XPO7: variants seen among roughly 807,000 people sequenced by gnomAD.
XPO7 encodes the protein exportin 7.
In XPO7, 21 loss-of-function variants were observed where a neutral mutation model predicts 144.3. The ratio of observed to expected loss-of-function variants is 0.15; its 90% CI spans 0.10 to 0.21. The LOEUF is 0.21. Ranked by LOEUF, XPO7 falls within the 10% of genes least tolerant of loss-of-function variation. XPO7 has a pLI of 1.00. For synonymous variants in XPO7, 580 were observed against 499.6 expected (o/e 1.16, Z -2.15); for missense variants, 808 against 1,325.8 (o/e 0.61, Z 6.06).
intron 1 of XPO7, among the ~76,000 whole-genome samples, chr8:21,922,391 C>T (rs1476731052): frequency 6.6e-6 from 1 of 152,126 alleles, no homozygotes; most frequent in Non-Finnish European, 1.5e-5. Flanking sequence ...GAAGTGTGCC[C>T]TTAAGCAGCT....
At chr8:21,969,852 T>C in intron 3 of XPO7, 4 of 544,536 alleles carry the variant, frequency 7.3e-6, no homozygotes, top group Non-Finnish European at 6.4e-6. Flanking sequence ...AAAACATTGT[T>C]AATGATTTTG....
chr8:21,980,372 A>T (rs1812364338), intron 9 of XPO7, among the ~76,000 whole-genome samples, 169 bp downstream of exon 9: 1 of 152,194 alleles, frequency 6.6e-6, no homozygotes, highest in Non-Finnish European at 1.5e-5. Context: ...TGCCCAAAAG[A>T]GGAGCTTATA....
At chr8:21,969,119 A>G (rs1414926554) in intron 2 of XPO7, among the ~76,000 whole-genome samples, 2 of 152,200 alleles carry the variant, frequency 1.3e-5, no homozygotes, top group African/African-American at 4.8e-5. Flanking sequence ...AAATATCATT[A>G]TAACAGATAC....
At chr8:21,921,713 A>T (rs1428018182) in intron 1 of XPO7, 1 of 152,190 alleles carries the variant, frequency 6.6e-6, no homozygotes, top group African/African-American at 2.4e-5. Context: ...TTTCAAAACA[A>T]AGGGGAGCAT....
In XPO7 at chr8:21,970,282, C is replaced by T. The variant is rs972846028; in HGVS notation, c.398C>T (p.Ala133Val). 5.0e-6 allele frequency: 8 copies of T among 1,613,234 alleles called. No homozygotes were observed. The African/African-American group carries it at 6.7e-5, about 13-fold the overall frequency. ...AAGGATGACTATGTCTTCAGAAATG[C>T]AATCACAGACGTCACAAGGTTTTTA... ...CQKDDYVFRNAITDVTRFLQD... is the reference protein window; with the variant it reads ...CQKDDYVFRNVITDVTRFLQD... The change falls in exon 4 of 28, where the codon GCA (alanine) becomes GTA (valine). Residue 133 changes from alanine to valine, a missense_variant. Coordinates refer to ENST00000252512, the MANE Select transcript of XPO7 (RefSeq NM_015024.5).
intron 1 of XPO7, among the ~76,000 whole-genome samples, chr8:21,932,432 C>T (rs1810682679): frequency 6.6e-6 from 1 of 151,846 alleles, no homozygotes; most frequent in African/African-American, 2.4e-5. Context: ...AATATGAAAC[C>T]CTGAATTCTT....
intron 1 of XPO7, chr8:21,966,214 T>C (rs1811877560): frequency 1.3e-6 from 1 of 754,190 alleles, no homozygotes; most frequent in Non-Finnish European, 2.5e-6. Context: ...GTTGAATTTA[T>C]TTTGACGCTT....
At chr8:21,936,939 C>T (rs1256740752) in intron 1 of XPO7, among the ~76,000 whole-genome samples, 9 of 152,108 alleles carry the variant, frequency 5.9e-5, no homozygotes, top group Admixed American at 1.3e-4. Flanking sequence ...AACTAGGCGA[C>T]GCAGTACTGG....
chr8:21,998,385 G>A (rs923073396), intron 21 of XPO7, among the ~76,000 whole-genome samples: 2 of 152,244 alleles, frequency 1.3e-5, no homozygotes, highest in Middle Eastern at 3.4e-3. Context: ...AGGTTGCAGT[G>A]AGCCGAAATT....
intron 1 of XPO7, among the ~76,000 whole-genome samples, chr8:21,935,168 C>T (rs990453953): frequency 1.3e-5 from 2 of 152,118 alleles, no homozygotes; most frequent in African/African-American, 2.4e-5. Flanking sequence ...TAGGTTTGGG[C>T]CCTAATTGAT....
intron 19 of XPO7, 51 bp downstream of exon 19, chr8:21,992,025 C>A: frequency 6.8e-7 from 1 of 1,466,182 alleles, no homozygotes; most frequent in Non-Finnish European, 9.4e-7. Context: ...TTAGGGCAGT[C>A]TCTGATTGAA....
chr8:21,944,243 CCTCCCATGAG>C (rs1161054762), intron 1 of XPO7, among the ~76,000 whole-genome samples: 1 of 152,104 alleles, frequency 6.6e-6, no homozygotes, highest in Admixed American at 6.5e-5. Flanking sequence ...TTATTGAATA[CCTCCCATGAG>C]TTATATATTC....
chr8:21,935,433 A>C (rs769735890), intron 1 of XPO7, among the ~76,000 whole-genome samples: 2 of 152,246 alleles, frequency 1.3e-5, no homozygotes, highest in Non-Finnish European at 2.9e-5. Flanking sequence ...AAGTCCTACA[A>C]ATAGTGAGAG....
chr8:21,988,164 A>T (rs1812642518), intron 15 of XPO7, among the ~76,000 whole-genome samples: 1 of 152,194 alleles, frequency 6.6e-6, no homozygotes, highest in East Asian at 1.9e-4. Flanking sequence ...ATTGCTGCTC[A>T]GCCCCTCACC....
At chr8:21,983,855 CCTG>C (rs77922585) in intron 11 of XPO7, among the ~76,000 whole-genome samples, 1 of 151,310 alleles carries the variant, frequency 6.6e-6, no homozygotes, top group Non-Finnish European at 1.5e-5. Context: ...TGCTGCTGCT[CCTG>C]CTGCTGCTGC....
chr8:21,955,207 C>T (rs1811496245), intron 1 of XPO7, among the ~76,000 whole-genome samples: 1 of 135,864 alleles, frequency 7.4e-6, no homozygotes, highest in African/African-American at 2.6e-5. Context: ...TAATATTGTC[C>T]ATGCAGAATC....
intron 15 of XPO7, 49 bp downstream of exon 15, chr8:21,987,906 C>G (rs373097169): frequency 7.6e-6 from 12 of 1,579,584 alleles, no homozygotes; most frequent in Middle Eastern, 1.7e-4. Context: ...ACTCCTGTTG[C>G]AACTGTAAAA....
intron 1 of XPO7, among the ~76,000 whole-genome samples, chr8:21,960,310 C>G (rs955146989): frequency 6.6e-6 from 1 of 152,228 alleles, no homozygotes; most frequent in African/African-American, 2.4e-5. Context: ...ATTGAAACCT[C>G]TCCTTTAGAG....
chr8:21,964,882 CAA>C (rs974054206), intron 1 of XPO7, among the ~76,000 whole-genome samples: 1 of 152,122 alleles, frequency 6.6e-6, no homozygotes, highest in African/African-American at 2.4e-5. Flanking sequence ...TAAACATAAA[CAA>C]GAGTTGCAGT....
Sources: gnomAD v4.1 joint callset for allele counts (sites outside exome capture counted in the v4.1 genomes callset) on GRCh38, gnomAD v4.1.1 for gene constraint, MANE v1.5 for transcripts, NCBI Gene and HGNC (gene_info 2026-07-23, HGNC 2026-07-21) for gene names.